CELF2: variants seen among roughly 807,000 people sequenced by gnomAD.
CELF2 encodes the protein CUG triplet repeat RNA-binding protein 2.
A neutral mutation model predicts 62.6 loss-of-function variants in CELF2; 8 were observed. The observed-to-expected ratio is 0.13, with a 90% CI of 0.07 to 0.23. The LOEUF (loss-of-function observed/expected upper bound fraction) is 0.23. CELF2 is among the 10% of genes least tolerant of loss of function. The pLI is 1.00. For missense variants in CELF2, 333 were observed against 671.0 expected (o/e 0.50, Z 5.56); for synonymous variants, 258 against 250.0 (o/e 1.03, Z -0.30).
At chr10:10,621,065 T>TA in the CELF2 span, among the ~76,000 whole-genome samples, 313 of 144,340 alleles carry the variant, frequency 2.2e-3, no homozygotes, top group Non-Finnish European at 3.3e-3. Context: ...CCACTAAAAA[T>TA]AAAAAAATAA....
chr10:11,253,709 T>C (rs1331773779), intron 4 of CELF2, among the ~76,000 whole-genome samples: 1 of 152,218 alleles, frequency 6.6e-6, no homozygotes, highest in African/African-American at 2.4e-5. Flanking sequence ...AGTCACCCCG[T>C]GTATTTAAAG....
chr10:11,097,773 G>T (rs540288736), intron 1 of CELF2, among the ~76,000 whole-genome samples: 6 of 152,316 alleles, frequency 3.9e-5, no homozygotes, highest in African/African-American at 1.4e-4. Flanking sequence ...ACTCAACCTG[G>T]TAGGGACATC....
chr10:10,580,082 T>C, the CELF2 span, among the ~76,000 whole-genome samples: 3 of 152,116 alleles, frequency 2.0e-5, no homozygotes, highest in Admixed American at 6.6e-5. Flanking sequence ...GCAAGGAAAA[T>C]GTATTTAAAG....
intron 1 of CELF2, among the ~76,000 whole-genome samples, chr10:11,027,370 T>C (rs1454050605): frequency 6.6e-6 from 1 of 152,176 alleles, no homozygotes; most frequent in Non-Finnish European, 1.5e-5. Context: ...CTTCCTCTTC[T>C]GGGTACCTAG....
At chr10:10,628,581 C>G in the CELF2 span, among the ~76,000 whole-genome samples, 3 of 152,192 alleles carry the variant, frequency 2.0e-5, no homozygotes, top group Non-Finnish European at 2.9e-5. Context: ...GACTATAAGA[C>G]TTTCCTGCTT....
intron 1 of CELF2, among the ~76,000 whole-genome samples, chr10:11,033,537 G>A (rs903847551): frequency 2.0e-5 from 3 of 152,160 alleles, no homozygotes; most frequent in Admixed American, 6.5e-5. Flanking sequence ...GATTACAGGC[G>A]TAAGCCACCA....
At chr10:10,511,817 C>A in the CELF2 span, among the ~76,000 whole-genome samples, 9 of 152,254 alleles carry the variant, frequency 5.9e-5, no homozygotes, top group East Asian at 1.7e-3. Context: ...CGCCAGCAGC[C>A]CAGTAAGAAC....
chr10:10,761,187 G>T, the CELF2 span, among the ~76,000 whole-genome samples: 1 of 152,178 alleles, frequency 6.6e-6, no homozygotes. Flanking sequence ...ATGGGTGTTG[G>T]CTGGAATTGA....
At chr10:11,029,967 C>T (rs767087768) in intron 1 of CELF2, among the ~76,000 whole-genome samples, 10 of 152,212 alleles carry the variant, frequency 6.6e-5, no homozygotes, top group African/African-American at 1.2e-4. Flanking sequence ...CTCTCAGTCT[C>T]GTTTTTCAGG....
the CELF2 span, among the ~76,000 whole-genome samples, chr10:10,466,017 T>C: frequency 6.6e-6 from 1 of 152,096 alleles, no homozygotes; most frequent in African/African-American, 2.4e-5. Context: ...TTCAAATGCT[T>C]CTTACATGTG....
the CELF2 span, among the ~76,000 whole-genome samples, chr10:10,601,467 G>A: frequency 6.6e-6 from 1 of 152,162 alleles, no homozygotes; most frequent in Non-Finnish European, 1.5e-5. Context: ...CACAAAACAT[G>A]GTTAAGTGGA....
At chr10:10,856,466 A>G (rs540034480) in intron 1 of CELF2, among the ~76,000 whole-genome samples, 1 of 152,306 alleles carries the variant, frequency 6.6e-6, no homozygotes, top group South Asian at 2.1e-4. Flanking sequence ...TGGGGGAAAA[A>G]ATGACTGCAT....
Position 11,321,059 on chromosome 10 carries a change from G to A in CELF2, c.1097-130G>A. The A allele has an allele frequency of 7.7e-7, 1 of 1,302,710 alleles. No individual in the cohort carries two copies. Among genetic ancestry groups the A allele is most frequent in the Non-Finnish European group, 1.1e-6 (1 of 927,114 alleles). The allele number at this position is 1,302,710 out of a possible 1,614,324, so 80.7% of individuals were successfully genotyped here. On this transcript the variant is annotated intron_variant, in intron 10 of 12. Transcript: ENST00000633077. This position sits in a 1 kb window ranked among gnomAD's most constrained non-coding sequence, Gnocchi z 6.2. ...TTCATGGTTTCATTTTTAGTTTCCT[G>A]TCAGTGTAATTGTGTGCTAGCTGCA...
At chr10:11,140,596 A>T (rs1365954917) in intron 1 of CELF2, among the ~76,000 whole-genome samples, 1 of 152,210 alleles carries the variant, frequency 6.6e-6, no homozygotes, top group South Asian at 2.1e-4. Context: ...AAGTTTTGGT[A>T]TATTGGAAAA....
intron 2 of CELF2, among the ~76,000 whole-genome samples, chr10:10,989,852 G>A (rs2053234048): frequency 6.6e-6 from 1 of 151,930 alleles, no homozygotes; most frequent in South Asian, 2.1e-4. Context: ...AGTAGACAAA[G>A]GACAATAAAC....
At chr10:10,628,486 G>A in the CELF2 span, among the ~76,000 whole-genome samples, 33 of 152,224 alleles carry the variant, frequency 2.2e-4, no homozygotes, top group South Asian at 6.2e-4. Flanking sequence ...CCACTTGGGG[G>A]ATGAGTGAAT....
upstream of CELF2, chr10:10,798,492 A>C: frequency 2.9e-6 from 1 of 345,452 alleles, no homozygotes; most frequent in Non-Finnish European, 5.2e-6. Context: ...GCTTGGAATA[A>C]AGTGGGCTAC....
chr10:10,597,438 CA>C, the CELF2 span, among the ~76,000 whole-genome samples: 1 of 152,118 alleles, frequency 6.6e-6, no homozygotes, highest in Non-Finnish European at 1.5e-5. Context: ...GTGCTGTGGA[CA>C]GAGTCCTCAA....
chr10:11,054,680 G>A (rs2064818410), intron 1 of CELF2, among the ~76,000 whole-genome samples: 1 of 152,264 alleles, frequency 6.6e-6, no homozygotes, highest in East Asian at 1.9e-4. Flanking sequence ...GTCACGACAG[G>A]AGAGTTAAGA....
Sources: allele counts gnomAD v4.1 joint callset (sites outside exome capture counted in the v4.1 genomes callset), GRCh38; gene constraint gnomAD v4.1.1; non-coding constraint Gnocchi (gnomAD v3.1); transcripts MANE v1.5; gene names NCBI Gene and HGNC (gene_info 2026-07-23, HGNC 2026-07-21).